PLXNC1: variants seen among roughly 807,000 people sequenced by gnomAD.
The protein encoded by PLXNC1 is plexin-C1.
A neutral mutation model predicts 178.2 loss-of-function variants in PLXNC1; 75 were observed. The observed-to-expected ratio is 0.42, with a 90% confidence interval of 0.35 to 0.51. The LOEUF is 0.51. Among genes scored for constraint, PLXNC1 ranks in the 20% least tolerant of loss-of-function variants. The pLI, the probability that PLXNC1 is intolerant of heterozygous loss-of-function variation, is 0.02. For missense variants in PLXNC1, 1,503 were observed against 1,984.4 expected (o/e 0.76, Z 4.61); for synonymous variants, 790 against 779.9 (o/e 1.01, Z -0.22).
intron 30 of PLXNC1, chr12:94,304,319 T>A (rs17243215): frequency 3.0e-6 from 1 of 332,022 alleles, no homozygotes; most frequent in Admixed American, 4.5e-5. Context: ...TCAAGTTAAC[T>A]TTGATGAGTA....
chr12:94,206,333 C>T (rs1963298395), intron 4 of PLXNC1, among the ~76,000 whole-genome samples: 1 of 151,830 alleles, frequency 6.6e-6, no homozygotes. Flanking sequence ...CAATATCAAA[C>T]TCTAGTATTA....
chr12:94,169,175 G>C lies in PLXNC1; in HGVS notation c.1085G>C (p.Arg362Thr). 1.2e-6 allele frequency: 2 copies of C among 1,613,966 alleles called. No individual in the cohort carries two copies. The highest frequency in any genetic ancestry group is 1.1e-5 in the South Asian group (1 of 91,054). ...SHCKEGDQPE[R>T]VQPIASSTLI... is the part of the protein sequence containing the mutation. The stretch of plus-strand genomic sequence containing the variant: ...CAGAAAGAAGGGGATCAACCTGAAA[G>C]AGTCCAACCAATCGCATCATCTACC... The change falls in exon 2 of 31, where the codon AGA (arginine) becomes ACA (threonine). Residue 362 changes from arginine to threonine, a missense_variant. Arg to Thr is a moderately conservative substitution (Grantham distance 71). Transcript: ENST00000258526.
intron 23 of PLXNC1, among the ~76,000 whole-genome samples, chr12:94,289,375 C>A (rs796427479): frequency 9.2e-5 from 14 of 152,176 alleles, no homozygotes; most frequent in African/African-American, 3.4e-4. Context: ...GTTGTCACAT[C>A]GAATCCTAGA....
At chr12:94,248,826 A>G (rs1964601266) in intron 14 of PLXNC1, among the ~76,000 whole-genome samples, 1 of 152,202 alleles carries the variant, frequency 6.6e-6, no homozygotes, top group Non-Finnish European at 1.5e-5. Context: ...TAGCATTAGA[A>G]TCAGATGGAG....
At chr12:94,223,747 T>C (rs567791092) in intron 6 of PLXNC1, among the ~76,000 whole-genome samples, 2 of 152,314 alleles carry the variant, frequency 1.3e-5, no homozygotes, top group East Asian at 3.9e-4. Context: ...CCCAAGAAGA[T>C]CGTGGAACCC....
At chr12:94,261,878 TTTAA>T (rs1472734835) in intron 20 of PLXNC1, among the ~76,000 whole-genome samples, 1 of 152,232 alleles carries the variant, frequency 6.6e-6, no homozygotes, top group African/African-American at 2.4e-5. Context: ...CAATTTTTTT[TTTAA>T]TTTCTCACCA....
chr12:94,207,331 T>C (rs1447915284), intron 4 of PLXNC1, among the ~76,000 whole-genome samples: 1 of 152,174 alleles, frequency 6.6e-6, no homozygotes, highest in Non-Finnish European at 1.5e-5. Flanking sequence ...GTTCATTTTA[T>C]ACTTTCTTTT....
At chr12:94,182,000 T>C (rs1962326174) in intron 3 of PLXNC1, among the ~76,000 whole-genome samples, 1 of 152,050 alleles carries the variant, frequency 6.6e-6, no homozygotes, top group Admixed American at 6.6e-5. Flanking sequence ...AACCAGGAAA[T>C]ATATGGTACT....
intron 28 of PLXNC1, 22 bp from the exon 29 acceptor site, chr12:94,303,734 T>A: frequency 1.3e-6 from 1 of 751,144 alleles, no homozygotes; most frequent in Non-Finnish European, 1.7e-6. Flanking sequence ...GATGGTTGCT[T>A]TTTTTTTTTT....
chr12:94,235,107 A>C (rs1964205765), intron 9 of PLXNC1, among the ~76,000 whole-genome samples: 1 of 152,210 alleles, frequency 6.6e-6, no homozygotes, highest in Admixed American at 6.5e-5. Context: ...AACTAATCTG[A>C]GTCTGTTTAA....
At chr12:94,295,525 C>T (rs1352093661) in intron 24 of PLXNC1, among the ~76,000 whole-genome samples, 4 of 152,124 alleles carry the variant, frequency 2.6e-5, no homozygotes. Flanking sequence ...TTCGTGGGCC[C>T]TCCAGTCAGT....
intron 4 of PLXNC1, among the ~76,000 whole-genome samples, chr12:94,187,666 A>G (rs139804732): frequency 1.4e-4 from 22 of 152,290 alleles, no homozygotes; most frequent in African/African-American, 5.3e-4. Flanking sequence ...AGATCCATTC[A>G]TTTATGTAGC....
In PLXNC1 at chr12:94,263,075, G is replaced by A. The variant is rs547556060; in HGVS notation, c.3451-2004G>A. Among the ~76,000 whole-genome samples, 875 of 152,270 alleles carry A rather than the reference G, an allele frequency of 5.7e-3. 7 individuals carry two copies. The highest frequency in any genetic ancestry group is 0.02 in the African/African-American group (823 of 41,540). ...TTAAAGTGTCGAAGCCTGGCCCCTG[G>A]GGGAGGGGAATCACGTACGCAGCGG... On this transcript the variant is annotated intron_variant, in intron 20 of 30. Coordinates refer to ENST00000258526, the MANE Select transcript of PLXNC1 (RefSeq NM_005761.3).
intron 5 of PLXNC1, among the ~76,000 whole-genome samples, chr12:94,217,533 A>T (rs1025419931): frequency 1.3e-5 from 2 of 152,184 alleles, no homozygotes; most frequent in African/African-American, 4.8e-5. Context: ...CTTGAACTAC[A>T]TACACCTAAA....
At chr12:94,183,940 G>T (rs896010546) in intron 3 of PLXNC1, among the ~76,000 whole-genome samples, 2 of 152,180 alleles carry the variant, frequency 1.3e-5, no homozygotes, top group Non-Finnish European at 2.9e-5. Context: ...TCCAAGGAAG[G>T]CTCTTGGGGA....
chr12:94,217,086 G>A (rs952233458), intron 5 of PLXNC1, among the ~76,000 whole-genome samples: 1 of 152,142 alleles, frequency 6.6e-6, no homozygotes, highest in Admixed American at 6.5e-5. Flanking sequence ...CTCCAACCTG[G>A]TTTCTGCCCC....
Position 94,149,365 on chromosome 12 carries a change from G to T in PLXNC1, c.394G>T (p.Gly132Cys). 7.0e-7 allele frequency: 1 copy of T among 1,425,808 alleles called. No individual in the cohort carries two copies. The highest frequency in any genetic ancestry group is 9.1e-7 in the Non-Finnish European group (1 of 1,100,064). The allele number at this position is 1,425,808 out of a possible 1,614,324, so 88.3% of individuals were successfully genotyped here. The change falls in exon 1 of 31, where the codon GGC becomes TGC. Residue 132 changes from glycine to cysteine, a missense_variant. Around this residue, in one of 4 missense-constraint regions of PLXNC1, gnomAD observed 73 missense variants for 125.4 expected, o/e 0.58. Transcript: ENST00000258526. ...GCTCACCGGCTGGACCTTCGACCGG[G>T]GCGCCTGCGAGGTGCGGCCCCTGGG... Reference protein sequence around the residue: ...LLLTGWTFDRGACEVRPLGNL... With the variant: ...LLLTGWTFDRCACEVRPLGNL...
At chr12:94,204,146 A>C (rs975027459) in intron 4 of PLXNC1, among the ~76,000 whole-genome samples, 1 of 152,232 alleles carries the variant, frequency 6.6e-6, no homozygotes, top group African/African-American at 2.4e-5. Context: ...TTATAGCAAC[A>C]CAAAACAGAC....
chr12:94,197,433 C>CT (rs1207869949), intron 4 of PLXNC1, among the ~76,000 whole-genome samples: 19 of 113,468 alleles, frequency 1.7e-4, no homozygotes, highest in African/African-American at 4.1e-4. Context: ...TACATTAGGC[C>CT]CCTTTCTCTC....
Sources: gnomAD v4.1 joint callset for allele counts (sites outside exome capture counted in the v4.1 genomes callset) on GRCh38, gnomAD v4.1.1 for gene constraint, gnomAD v4.1.1 regional missense constraint, MANE v1.5 for transcripts, NCBI Gene and HGNC (gene_info 2026-07-23, HGNC 2026-07-21) for gene names.